Variants in GTPBP1 observed in about 807,000 individuals in gnomAD.
GTPBP1 encodes the protein GTP binding protein 1, also known as GTP-binding protein 1.
Under a neutral mutation model 62.0 loss-of-function variants are expected in GTPBP1, and 23 were observed. The ratio of observed to expected loss-of-function variants is 0.37; its 90% CI spans 0.27 to 0.53. The LOEUF (loss-of-function observed/expected upper bound fraction) is 0.53. Among genes scored for constraint, GTPBP1 ranks in the 20% least tolerant of loss-of-function variants. The pLI, the probability that GTPBP1 is intolerant of heterozygous loss-of-function variation, is 0.89. For missense variants in GTPBP1, 640 were observed against 917.3 expected (o/e 0.70, Z 3.90); for synonymous variants, 344 against 364.4 (o/e 0.94, Z 0.64).
At chr22:38,742,603 A>G (rs761926704), downstream of GTPBP1, 49 of 1,565,172 alleles carry the variant, frequency 3.1e-5, no homozygotes, top group East Asian at 4.5e-5. Context: ...CTTGGATGAT[A>G]GTGCTTCCCA....
intron 2 of GTPBP1, among the ~76,000 whole-genome samples, chr22:38,715,684 A>G (rs532524889): frequency 4.6e-5 from 7 of 152,180 alleles, no homozygotes; most frequent in Non-Finnish European, 1.0e-4. Flanking sequence ...CTGTTGTTGA[A>G]TGAAGTAGCG....
chr22:38,724,751 G>A (rs754642306), intron 6 of GTPBP1, among the ~76,000 whole-genome samples: 18 of 152,168 alleles, frequency 1.2e-4, no homozygotes, highest in Non-Finnish European at 2.4e-4. Flanking sequence ...TGGAAATGAA[G>A]TATGTAGAGC....
At chr22:38,736,196 C>T (rs753287130), downstream of GTPBP1, 8 of 1,414,396 alleles carry the variant, frequency 5.7e-6, no homozygotes, top group Admixed American at 5.2e-5. Context: ...GCCGAGCAAG[C>T]GTGTGGGGGA....
chr22:38,737,682 C>G (rs1780170566), downstream of GTPBP1: 1 of 354,116 alleles, frequency 2.8e-6, no homozygotes, highest in Non-Finnish European at 5.6e-6. The surrounding 1 kb of genome is among the most constrained non-coding windows in gnomAD (Gnocchi z 4.1). Flanking sequence ...ATGGTTTGTT[C>G]AAATGCAGGC....
At chr22:38,738,816 T>G, downstream of GTPBP1, 6 of 1,599,808 alleles carry the variant, frequency 3.8e-6, no homozygotes, top group Middle Eastern at 3.3e-4. This position sits in a 1 kb window ranked among gnomAD's most constrained non-coding sequence, Gnocchi z 6.6. Flanking sequence ...TGACCCCAGA[T>G]GGGACCAGCC....
downstream of GTPBP1, chr22:38,738,479 C>T (rs1603214574): frequency 6.9e-7 from 1 of 1,449,732 alleles, no homozygotes; most frequent in East Asian, 2.3e-5. This position sits in a 1 kb window ranked among gnomAD's most constrained non-coding sequence, Gnocchi z 6.6. Context: ...CTTCCAAATC[C>T]ACTCCCCTCC....
At chr22:38,740,575 G>A (rs972157489), downstream of GTPBP1, 7 of 885,660 alleles carry the variant, frequency 7.9e-6, no homozygotes, top group Non-Finnish European at 1.1e-5. The surrounding 1 kb of genome is among the most constrained non-coding windows in gnomAD (Gnocchi z 4.8). Flanking sequence ...AAGGGGCAAG[G>A]CCTCTCCTGG....
Position 38,706,015 on chromosome 22 carries a change from C to T in GTPBP1, c.60C>T (p.Ala20=), listed in dbSNP as rs1191214241. 8 of 1,440,484 alleles carry T rather than the reference C, an allele frequency of 5.6e-6. No homozygotes were observed. Among genetic ancestry groups the T allele is most frequent in the Non-Finnish European group, 7.3e-6 (8 of 1,097,452 alleles). The allele number at this position is 1,440,484 out of a possible 1,614,324, so 89.2% of individuals were successfully genotyped here. A position where few individuals can be genotyped will look rare whatever the true frequency, so the allele number is the denominator to read the frequency against. The change falls in exon 1 of 12, where the codon GCC becomes GCT. Residue 20 remains alanine, a synonymous_variant. Transcript: ENST00000216044. ...CGCCGGTCCCGGCCTCTATGTTCGC[C>T]CCCGAGCCCAGCTCCCCGGGGGCGG... is the stretch of plus-strand genomic sequence containing the variant. ...MDSPVPASMF[A]PEPSSPGAAR...
rs1317219436 is a variant in GTPBP1, at chr22:38,716,079, G to A, written c.477G>A (p.Leu159=). The A allele has an allele frequency of 1.9e-6, 3 of 1,595,022 alleles. No individual in the cohort carries two copies. Among genetic ancestry groups the A allele is most frequent in the African/African-American group, 1.3e-5 (1 of 74,390 alleles). ...AACGAGTAGGAGACAATGACTTCCT[G>A]GAGGTCAGGTGAGGAGGCCGCGGGA... ...VRKRVGDNDF[L]EVRVAVVGNV... The change falls in exon 3 of 12, where the codon CTG becomes CTA. Residue 159 remains leucine, a synonymous_variant. Coordinates refer to ENST00000216044, the MANE Select transcript of GTPBP1 (RefSeq NM_004286.5). The surrounding 1 kb of genome is among the most constrained non-coding windows in gnomAD (Gnocchi z 5.2).
chr22:38,721,228 T>C (rs1346701453), intron 4 of GTPBP1, among the ~76,000 whole-genome samples: 1 of 152,182 alleles, frequency 6.6e-6, no homozygotes, highest in Non-Finnish European at 1.5e-5. Flanking sequence ...TACAGGCATG[T>C]GCCACCACGC....
downstream of GTPBP1, chr22:38,740,345 C>T (rs779567211): frequency 1.4e-5 from 23 of 1,588,630 alleles, no homozygotes; most frequent in South Asian, 4.6e-5. This position sits in a 1 kb window ranked among gnomAD's most constrained non-coding sequence, Gnocchi z 4.8. Context: ...GTGCCAGAGC[C>T]GCCAGCTCCT....
chr22:38,741,974 C>G (rs972491677), downstream of GTPBP1, among the ~76,000 whole-genome samples: 11 of 152,010 alleles, frequency 7.2e-5, no homozygotes, highest in Admixed American at 1.3e-4. Context: ...AACCCTGTCT[C>G]TACTAAAAAT....
chr22:38,734,109 A>G (rs1296888852), downstream of GTPBP1: 51 of 293,630 alleles, frequency 1.7e-4, no homozygotes, highest in Non-Finnish European at 1.3e-5. Flanking sequence ...CTGTCTCCAC[A>G]GTCCTCCCTA....
downstream of GTPBP1, chr22:38,738,564 C>T (rs2092827293): frequency 6.2e-7 from 1 of 1,604,588 alleles, no homozygotes; most frequent in Non-Finnish European, 8.5e-7. The surrounding 1 kb of genome is among the most constrained non-coding windows in gnomAD (Gnocchi z 6.6). Flanking sequence ...CCCCTCTGGC[C>T]CCACCACAGG....
At chr22:38,739,412 G>A (rs777909776), downstream of GTPBP1, 11 of 1,612,972 alleles carry the variant, frequency 6.8e-6, no homozygotes, top group African/African-American at 1.3e-5. This position sits in a 1 kb window ranked among gnomAD's most constrained non-coding sequence, Gnocchi z 6.7. Flanking sequence ...CCTGCTTCAC[G>A]ATGTGGTGCA....
At chr22:38,738,360 CA>C, downstream of GTPBP1, 1 of 1,217,528 alleles carries the variant, frequency 8.2e-7, no homozygotes, top group African/African-American at 1.5e-5. The surrounding 1 kb of genome is among the most constrained non-coding windows in gnomAD (Gnocchi z 6.6). Context: ...GCAGGTCAGG[CA>C]CCAGAGTGGC....
At chr22:38,741,409 T>C, downstream of GTPBP1, 1 of 1,399,824 alleles carries the variant, frequency 7.1e-7, no homozygotes, top group Non-Finnish European at 1.0e-6. Context: ...AACAGTCCCT[T>C]TGGAAGGGCC....
chr22:38,714,111 G>A (rs1157918697), intron 2 of GTPBP1, among the ~76,000 whole-genome samples: 1 of 152,212 alleles, frequency 6.6e-6, no homozygotes, highest in Admixed American at 6.5e-5. Context: ...AGTGCTTCAA[G>A]AGGGAAAGGC....
At chr22:38,736,535 CTT>C (rs2092806923), downstream of GTPBP1, 1 of 567,788 alleles carries the variant, frequency 1.8e-6, no homozygotes, top group African/African-American at 1.9e-5. Flanking sequence ...AAGCTCCTAT[CTT>C]TAGCCTCCTG....
Sources: gnomAD v4.1 joint callset for allele counts (sites outside exome capture counted in the v4.1 genomes callset) on GRCh38, gnomAD v4.1.1 for gene constraint, Gnocchi (gnomAD v3.1) non-coding constraint, MANE v1.5 for transcripts, NCBI Gene and HGNC (gene_info 2026-07-23, HGNC 2026-07-21) for gene names.